The following LRRTM4 variants were observed in gnomAD, a reference collection of about 807,000 sequenced individuals.
LRRTM4 encodes the protein leucine-rich repeat transmembrane neuronal protein 4.
LRRTM4 carries 25 observed loss-of-function variants against 47.6 expected under a neutral mutation model. That is an observed-to-expected ratio of 0.53 (90% confidence interval 0.38 to 0.73). The LOEUF (loss-of-function observed/expected upper bound fraction) is 0.73. Ranked by LOEUF, LRRTM4 falls within the 30% of genes least tolerant of loss-of-function variation. The pLI, the probability that LRRTM4 is intolerant of heterozygous loss-of-function variation, is 0.00. For synonymous variants in LRRTM4, 311 were observed against 269.5 expected (o/e 1.15, Z -1.51); for missense variants, 638 against 713.4 (o/e 0.89, Z 1.20).
At chr2:76,866,254 T>A (rs1672464276) in intron 3 of LRRTM4, among the ~76,000 whole-genome samples, 1 of 152,222 alleles carries the variant, frequency 6.6e-6, no homozygotes, top group African/African-American at 2.4e-5. Flanking sequence ...CCTATCTATA[T>A]GCACTTTCAC....
intron 3 of LRRTM4, among the ~76,000 whole-genome samples, chr2:77,476,190 T>C (rs1677380964): frequency 6.6e-6 from 1 of 152,078 alleles, no homozygotes. Flanking sequence ...TGTGAGTTCA[T>C]TAATGGAGTC....
intron 3 of LRRTM4, among the ~76,000 whole-genome samples, chr2:77,416,904 A>C (rs1674655433): frequency 6.6e-6 from 1 of 152,144 alleles, no homozygotes; most frequent in Non-Finnish European, 1.5e-5. Context: ...GGATCTAATT[A>C]AACTAAAGAG....
At chr2:77,256,271 T>C (rs796453234) in intron 3 of LRRTM4, among the ~76,000 whole-genome samples, 6 of 152,168 alleles carry the variant, frequency 3.9e-5, no homozygotes, top group Non-Finnish European at 8.8e-5. Context: ...GAAATTTGTT[T>C]ATTTTAAAAT....
At chr2:77,048,052 G>C (rs11885977) in intron 3 of LRRTM4, among the ~76,000 whole-genome samples, 1 of 151,922 alleles carries the variant, frequency 6.6e-6, no homozygotes, top group Admixed American at 6.6e-5. Context: ...CATATCTCTC[G>C]ATTATCTCAT....
At chr2:77,076,045 C>T (rs776586512) in intron 3 of LRRTM4, among the ~76,000 whole-genome samples, 15 of 151,306 alleles carry the variant, frequency 9.9e-5, no homozygotes, top group Admixed American at 4.6e-4. Context: ...GTACTTTCTC[C>T]TAGCACTATG....
intron 3 of LRRTM4, among the ~76,000 whole-genome samples, chr2:77,020,974 C>G (rs1262590948): frequency 6.6e-6 from 1 of 152,074 alleles, no homozygotes; most frequent in Non-Finnish European, 1.5e-5. Flanking sequence ...TTACTGTTAT[C>G]CTGTATGTGT....
At chr2:76,991,284 A>G (rs894971749) in intron 3 of LRRTM4, among the ~76,000 whole-genome samples, 12 of 151,778 alleles carry the variant, frequency 7.9e-5, no homozygotes, top group Non-Finnish European at 1.6e-4. Context: ...AAGAAAAGAA[A>G]TAACTACAAT....
At chr2:77,444,648 A>G (rs1675978819) in intron 3 of LRRTM4, among the ~76,000 whole-genome samples, 1 of 152,050 alleles carries the variant, frequency 6.6e-6, no homozygotes, top group African/African-American at 2.4e-5. Flanking sequence ...AGTAAAATTT[A>G]AAAATATAAA....
At chr2:77,303,014 T>A (rs1416867374) in intron 3 of LRRTM4, among the ~76,000 whole-genome samples, 1 of 144,022 alleles carries the variant, frequency 6.9e-6, no homozygotes, top group African/African-American at 2.9e-5. Flanking sequence ...AAAAGATCTA[T>A]CTACTAATAT....
At chr2:76,916,066 G>T (rs187898060) in intron 3 of LRRTM4, among the ~76,000 whole-genome samples, 1 of 152,038 alleles carries the variant, frequency 6.6e-6, no homozygotes, top group East Asian at 1.9e-4. Context: ...TAGAAATGAT[G>T]AGACAGAAGA....
intron 3 of LRRTM4, among the ~76,000 whole-genome samples, chr2:76,816,756 C>G (rs1670907422): frequency 6.8e-6 from 1 of 146,726 alleles, no homozygotes; most frequent in African/African-American, 2.5e-5. Context: ...TTTCCTCTTC[C>G]TTCTCCTTTC....
intron 3 of LRRTM4, among the ~76,000 whole-genome samples, chr2:76,940,131 A>C (rs567890409): frequency 2.0e-4 from 30 of 152,266 alleles, no homozygotes; most frequent in African/African-American, 6.7e-4. Flanking sequence ...CAGCAACCCC[A>C]CTACTGGGTA....
At position 77,153,024 on chromosome 2, in the gene LRRTM4, T is replaced by C. The variant is rs568819867; in HGVS notation, c.1551+365294A>G. 2.4e-4 allele frequency among the ~76,000 whole-genome samples: 36 copies of C among 152,246 alleles called. 1 individual carries two copies. The South Asian group carries it at 7.3e-3, about 31-fold the overall frequency. ...TATTCACCATGCTGTGCAATAGAAC[T>C]CTAAAAAGAAAAAAAAGCATATTCC... On this transcript the variant is annotated intron_variant, in intron 3 of 3. Coordinates refer to ENST00000409884, the MANE Select transcript of LRRTM4 (RefSeq NM_001134745.3).
At chr2:77,421,908 G>A (rs1193146606) in intron 3 of LRRTM4, among the ~76,000 whole-genome samples, 3 of 152,172 alleles carry the variant, frequency 2.0e-5, no homozygotes, top group Admixed American at 2.0e-4. Context: ...GGTCTTATAA[G>A]CCTATAATAC....
At chr2:77,053,472 A>C (rs1037065269) in intron 3 of LRRTM4, among the ~76,000 whole-genome samples, 3 of 152,158 alleles carry the variant, frequency 2.0e-5, no homozygotes, top group African/African-American at 7.2e-5. Flanking sequence ...ATAGAAAGAC[A>C]ATTGTAGGCC....
intron 3 of LRRTM4, among the ~76,000 whole-genome samples, chr2:76,925,225 A>T (rs987635267): frequency 6.6e-6 from 1 of 152,176 alleles, no homozygotes; most frequent in Non-Finnish European, 1.5e-5. Flanking sequence ...TAAGTTAGAG[A>T]TGCTTTCCTA....
intron 3 of LRRTM4, among the ~76,000 whole-genome samples, chr2:76,765,759 A>G (rs1162800915): frequency 6.6e-6 from 1 of 152,144 alleles, no homozygotes; most frequent in Non-Finnish European, 1.5e-5. Flanking sequence ...GTTTAAGCCA[A>G]CCCATCTGTG....
rs1489110238 is a variant in LRRTM4, at chr2:76,773,650, CTTAAA to C, written c.1552-24739_1552-24735del. Among the ~76,000 whole-genome samples, 12 of 151,632 alleles carry C rather than the reference CTTAAA, an allele frequency of 7.9e-5. No individual in the cohort carries two copies. The East Asian group carries it at 1.9e-3, about 24-fold the overall frequency. ...TAAATAATAAATTATTAAAATTCCC[CTTAAA>C]TTAATTTAAAAATAAATTTAAAATT... On this transcript the variant is annotated intron_variant, in intron 3 of 3. Coordinates refer to ENST00000409884, the MANE Select transcript of LRRTM4 (RefSeq NM_001134745.3).
chr2:77,281,831 AG>A (rs1676514135), intron 3 of LRRTM4, among the ~76,000 whole-genome samples: 1 of 151,894 alleles, frequency 6.6e-6, no homozygotes, highest in Non-Finnish European at 1.5e-5. Context: ...CAAAAATAAA[AG>A]TTTGACCATG....
Sources: gnomAD v4.1 joint callset for allele counts (sites outside exome capture counted in the v4.1 genomes callset) on GRCh38, gnomAD v4.1.1 for gene constraint, MANE v1.5 for transcripts, NCBI Gene and HGNC (gene_info 2026-07-23, HGNC 2026-07-21) for gene names.